SZT2: variants seen among roughly 807,000 people sequenced by gnomAD.
SZT2 encodes KICSTOR complex protein SZT2.
Under a neutral mutation model 404.2 loss-of-function variants are expected in SZT2, and 216 were observed. The observed-to-expected ratio is 0.53, with a 90% CI of 0.48 to 0.60. The LOEUF (loss-of-function observed/expected upper bound fraction) is 0.60, where lower values mean the gene tolerates loss of function less well. Ranked by LOEUF, SZT2 falls within the 20% of genes least tolerant of loss-of-function variation. The probability of loss-of-function intolerance (pLI) is 0.00; values close to 1 mark genes in which losing one functional copy is unlikely to be tolerated. For synonymous variants in SZT2, 1,693 were observed against 1,749.9 expected, an observed-to-expected ratio of 0.97 and a Z score of 0.81; for missense variants, 3,857 against 4,459.2, an observed-to-expected ratio of 0.86 and a Z score of 3.85.
chr1:43,451,225 G>A lies in SZT2; in HGVS notation c.*745G>A, dbSNP rs1429216997. On this transcript the variant is annotated 3_prime_UTR_variant, in exon 72 of 72. Transcript: ENST00000634258. Reference sequence around the variant, plus strand: ...ACTCGCTGTCTGGAGGCACGTGGGTGGTGTGCGGGCCCTCACTGGCCAGCC... The same window carrying A: ...ACTCGCTGTCTGGAGGCACGTGGGTAGTGTGCGGGCCCTCACTGGCCAGCC... 2 of 1,613,164 alleles carry A rather than the reference G, an allele frequency of 1.2e-6. No individual in the cohort carries two copies. The highest frequency in any genetic ancestry group is 1.7e-5 in the Admixed American group (1 of 60,014).
rs758047211 is a variant in SZT2 at position 43,427,495 on chromosome 1, G to A, written c.3599-35G>A. On this transcript the variant is annotated intron_variant, in intron 25 of 71. Transcript: ENST00000634258. ...CAGGAGTGGGAGTGGGAAACAGATA[G>A]AGCTGGAAGACCACGTGACACCTTT... 16 of 1,613,612 alleles carry A rather than the reference G, an allele frequency of 9.9e-6. No homozygotes were observed. In the Admixed American group the frequency reaches 2.7e-4, roughly 27 times the overall value.
chr1:43,412,801 A>G (rs1651228738), intron 4 of SZT2: 2 of 152,234 alleles, frequency 1.3e-5, no homozygotes, highest in Admixed American at 6.5e-5. Flanking sequence ...TAAGAAAAAA[A>G]AATCCAATAA....
chr1:43,391,819 C>A (rs574246526), intron 1 of SZT2, among the ~76,000 whole-genome samples: 2 of 24,658 alleles, frequency 8.1e-5, no homozygotes, highest in African/African-American at 1.7e-4. Flanking sequence ...CGGTGGCTCA[C>A]GCCTGTAATC....
intron 4 of SZT2, chr1:43,409,356 G>C: frequency 3.9e-6 from 1 of 258,994 alleles, no homozygotes; most frequent in South Asian, 3.6e-5. Context: ...GAAGGAAGGA[G>C]CATTCATTAG....
rs1464011747 is a variant in SZT2, at chr1:43,447,602, C to G, written c.9344C>G (p.Ala3115Gly). 3 of 1,614,210 alleles carry G rather than the reference C, an allele frequency of 1.9e-6. No individual in the cohort carries two copies. ...IAAHQLYNYV[A>G]DHASSYHMKP... The stretch of plus-strand genomic sequence containing the variant: ...GCCCACCAGCTATACAACTACGTGG[C>G]TGATCACGCCAGCTCTTACCACATG... The change falls in exon 67 of 72, where the codon GCT becomes GGT. Residue 3115 changes from alanine (A) to glycine (G), a missense_variant. Coordinates refer to ENST00000634258, the MANE Select transcript of SZT2 (RefSeq NM_001365999.1).
At position 43,438,685 on chromosome 1, in the gene SZT2, A is replaced by G. The variant is rs550713197; in HGVS notation, c.6509-14A>G. On this transcript the variant is annotated splice_polypyrimidine_tract_variant and intron_variant, in intron 46 of 71. Coordinates refer to ENST00000634258, the MANE Select transcript of SZT2 (RefSeq NM_001365999.1). ...CTACCAGTGTCCCCACCTTCCCACC[A>G]TGGCTGTGTCAAGGTCCTGAGATCA... The G allele has an allele frequency of 1.4e-5, 22 of 1,612,116 alleles. No individual in the cohort carries two copies. In the South Asian group the frequency reaches 2.1e-4, roughly 15 times the overall value.
At chr1:43,394,261 T>G (rs1305083756) in intron 1 of SZT2, among the ~76,000 whole-genome samples, 1 of 143,958 alleles carries the variant, frequency 6.9e-6, no homozygotes, top group Non-Finnish European at 1.5e-5. Flanking sequence ...CAGGCTGGAG[T>G]GCAGTGGCGT....
Position 43,453,834 on chromosome 1 carries a change from A to AGGCGGCG in SZT2, c.*3381_*3387dup, listed in dbSNP as rs534101178. ...GCCGGGCGGAGTCCGCGGGATCCAA[A>AGGCGGCG]GGCGGCGGGCGGCGGGCGGCGGGCG... On this transcript the variant is annotated 3_prime_UTR_variant, in exon 72 of 72. Coordinates refer to ENST00000634258, the MANE Select transcript of SZT2 (RefSeq NM_001365999.1). 26,013 of 1,194,436 alleles carry AGGCGGCG rather than the reference A, an allele frequency of 0.022. 479 individuals are homozygous for AGGCGGCG. The highest frequency in any genetic ancestry group is 0.074 in the East Asian group (2,137 of 29,030). 74.0% of individuals were successfully genotyped at this position (1,194,436 alleles called of 1,614,324 possible). A position where few individuals can be genotyped will look rare whatever the true frequency, so the allele number is the denominator to read the frequency against.
At chr1:43,397,278 T>G (rs998323066) in intron 1 of SZT2, among the ~76,000 whole-genome samples, 2 of 151,642 alleles carry the variant, frequency 1.3e-5, no homozygotes, top group African/African-American at 4.8e-5. Context: ...AATACAAAAA[T>G]TAACTGGGTG....
Position 43,453,603 on chromosome 1 carries a change from GTGT to G in SZT2, c.*3126_*3128del. The G allele has an allele frequency of 6.5e-7, 1 of 1,527,686 alleles. No homozygotes were observed. Among genetic ancestry groups the G allele is most frequent in the Non-Finnish European group, 8.8e-7 (1 of 1,138,390 alleles). 94.6% of individuals were successfully genotyped at this position (1,527,686 alleles called of 1,614,324 possible). A position where few individuals can be genotyped will look rare whatever the true frequency, so the allele number is the denominator to read the frequency against. ...CCCGGCCCGCGACGCACCCGGGGGC[GTGT>G]TGATCAGTACAAGCCGCAGCCCCGC... On this transcript the variant is annotated 3_prime_UTR_variant, in exon 72 of 72. Coordinates refer to ENST00000634258, the MANE Select transcript of SZT2 (RefSeq NM_001365999.1).
At chr1:43,405,653 C>G (rs1045950656) in intron 4 of SZT2, 2 of 152,224 alleles carry the variant, frequency 1.3e-5, no homozygotes, top group Admixed American at 1.3e-4. Flanking sequence ...TTGGTGCATA[C>G]CTGGATCCCA....
In SZT2 at chr1:43,453,626, C is replaced by T. The variant is rs531908610; in HGVS notation, c.*3146C>T. On this transcript the variant is annotated 3_prime_UTR_variant, in exon 72 of 72. Transcript: ENST00000634258. ...GCGTGTTGATCAGTACAAGCCGCAGCCCCGCTTCTCGCGCGGCGCGCGCCA... is the reference window on the plus strand; with the variant it reads ...GCGTGTTGATCAGTACAAGCCGCAGTCCCGCTTCTCGCGCGGCGCGCGCCA... 2.0e-4 allele frequency: 304 copies of T among 1,496,174 alleles called. 5 individuals carry two copies. In the East Asian group the frequency reaches 7.2e-3, roughly 35 times the overall value. The allele number at this position is 1,496,174 out of a possible 1,614,324, so 92.7% of individuals were successfully genotyped here.
chr1:43,429,435 AGTG>A, intron 28 of SZT2: 1 of 380,322 alleles, frequency 2.6e-6, no homozygotes, highest in Non-Finnish European at 4.9e-6. Flanking sequence ...TCAGAAGGCA[AGTG>A]GTGATGGCGC....
chr1:43,392,339 C>T (rs970313386), intron 1 of SZT2, among the ~76,000 whole-genome samples: 1 of 151,590 alleles, frequency 6.6e-6, no homozygotes. Flanking sequence ...TAGTCTTTAC[C>T]ATATAGAGCA....
chr1:43,391,664 G>A (rs894561798), intron 1 of SZT2, among the ~76,000 whole-genome samples: 3 of 152,162 alleles, frequency 2.0e-5, no homozygotes, highest in Non-Finnish European at 4.4e-5. Context: ...AGTGAAAGGA[G>A]GTGGAGGGAT....
In SZT2 at chr1:43,430,657, G is replaced by C. The variant is rs201357769; in HGVS notation, c.4642G>C (p.Gly1548Arg). 6.2e-6 allele frequency: 10 copies of C among 1,614,022 alleles called. No homozygotes were observed. The highest frequency in any genetic ancestry group is 8.5e-6 in the Non-Finnish European group (10 of 1,180,032). ...TGATGAAGACTCCTTCAGTATCTTG[G>C]GGGGCGACTCACCCACTGGGCCTGA... ...NPDEDSFSIL[G>R]GDSPTGPESF... Residue 1548 changes from glycine to arginine, a missense_variant, in exon 32 of 72, where the codon GGG becomes CGG. Coordinates refer to ENST00000634258, the MANE Select transcript of SZT2 (RefSeq NM_001365999.1).
In SZT2 at chr1:43,451,878, G is replaced by A; in HGVS notation, c.*1398G>A. ...AGAGAAGCCAGGGAGGGGACCGTGA[G>A]CCTCAAGAGCACAGGAATCAAAAGG... is the stretch of plus-strand genomic sequence containing the variant. On this transcript the variant is annotated 3_prime_UTR_variant, in exon 72 of 72. Coordinates refer to ENST00000634258, the MANE Select transcript of SZT2 (RefSeq NM_001365999.1). 3 of 1,614,060 alleles carry A rather than the reference G, an allele frequency of 1.9e-6. No individual in the cohort carries two copies. Among genetic ancestry groups the A allele is most frequent in the Non-Finnish European group, 2.5e-6 (3 of 1,179,926 alleles).
intron 4 of SZT2, chr1:43,410,614 A>G (rs550900108): frequency 1.3e-5 from 2 of 151,818 alleles, no homozygotes; most frequent in Non-Finnish European, 2.9e-5. Flanking sequence ...TGAAACTACT[A>G]AAAGAAAGCA....
At chr1:43,400,233 C>G (rs1410895124) in intron 1 of SZT2, among the ~76,000 whole-genome samples, 5 of 152,200 alleles carry the variant, frequency 3.3e-5, no homozygotes. Context: ...AGCCACAGTG[C>G]CTAGCCCCAA....
Sources: allele counts gnomAD v4.1 joint callset (sites outside exome capture counted in the v4.1 genomes callset), GRCh38; gene constraint gnomAD v4.1.1; transcripts MANE v1.5; gene names NCBI Gene and HGNC (gene_info 2026-07-23, HGNC 2026-07-21).